The following RUNX2 variants were observed in gnomAD, a reference collection of about 807,000 sequenced individuals.
RUNX2 encodes RUNX family transcription factor 2.
In RUNX2, 10 loss-of-function variants were observed where a neutral mutation model predicts 51.7. The observed-to-expected ratio is 0.19, with a 90% confidence interval of 0.12 to 0.33. The LOEUF (loss-of-function observed/expected upper bound fraction) is 0.33, where lower values mean the gene tolerates loss of function less well. Ranked by LOEUF, RUNX2 falls within the 10% of genes least tolerant of loss-of-function variation. The pLI is 1.00. For missense variants in RUNX2, 562 were observed against 691.3 expected (o/e 0.81, Z 2.10); for synonymous variants, 276 against 273.6 (o/e 1.01, Z -0.09).
At chr6:45,380,062 T>A (rs1240573672) in intron 2 of RUNX2, among the ~76,000 whole-genome samples, 1 of 152,232 alleles carries the variant, frequency 6.6e-6, no homozygotes, top group Non-Finnish European at 1.5e-5. Flanking sequence ...TTAAAATCCA[T>A]TTTTGAAAAT....
In RUNX2 at chr6:45,422,780, G is replaced by C; in HGVS notation, c.246G>C (p.Ala82=). The C allele has an allele frequency of 7.2e-7, 1 of 1,398,528 alleles. No homozygotes were observed. The allele number at this position is 1,398,528 out of a possible 1,614,324, so 86.6% of individuals were successfully genotyped here. The change falls in exon 3 of 9, where the codon GCG becomes GCC. Residue 82 remains alanine (A), a synonymous_variant. Transcript: ENST00000647337. ...CGGCGGCGGCTGCGGCGGCGGCGGC[G>C]GCTGCGGCGGCGGCAGCTGCAGTGC... The part of the protein sequence containing the change: ...EAAAAAAAAA[A]AAAAAAAVPR...
chr6:45,342,190 T>C (rs574159872), intron 2 of RUNX2, among the ~76,000 whole-genome samples: 1 of 152,152 alleles, frequency 6.6e-6, no homozygotes, highest in Admixed American at 6.5e-5. Flanking sequence ...TTATTATAAA[T>C]AGAATGAGTT....
intron 5 of RUNX2, among the ~76,000 whole-genome samples, chr6:45,480,684 G>T (rs954820130): frequency 3.9e-5 from 6 of 152,184 alleles, no homozygotes; most frequent in African/African-American, 1.4e-4. Flanking sequence ...TCTTAGACTA[G>T]ATTAAAACTA....
chr6:45,434,817 T>C lies in RUNX2; in HGVS notation c.580+2798T>C, dbSNP rs1454576662. 2.6e-5 allele frequency among the ~76,000 whole-genome samples: 4 copies of C among 152,306 alleles called. No homozygotes were observed. The East Asian group carries it at 7.7e-4, about 29-fold the overall frequency. On this transcript the variant is annotated intron_variant, in intron 4 of 8. Transcript: ENST00000647337. ...GCCTACATTTTAAAATAACAGGCTG[T>C]ATTTTATCACTTATGGAAAGTGATA...
At chr6:45,335,989 G>T (rs958198183) in intron 2 of RUNX2, among the ~76,000 whole-genome samples, 63 of 151,190 alleles carry the variant, frequency 4.2e-4, no homozygotes, top group African/African-American at 1.5e-3. Context: ...GTGCTACAGT[G>T]TATTTCTAAA....
chr6:45,413,589 C>A (rs567819571), intron 2 of RUNX2, among the ~76,000 whole-genome samples: 1 of 151,782 alleles, frequency 6.6e-6, no homozygotes, highest in Non-Finnish European at 1.5e-5. Flanking sequence ...CGCTACCACA[C>A]CTGGCTAATT....
intron 2 of RUNX2, among the ~76,000 whole-genome samples, chr6:45,350,820 T>G (rs1293078943): frequency 3.3e-5 from 5 of 152,136 alleles, no homozygotes; most frequent in African/African-American, 9.7e-5. Flanking sequence ...GAATGAAGTC[T>G]TTACATTTTC....
At chr6:45,520,342 A>C (rs1177354676) in intron 7 of RUNX2, among the ~76,000 whole-genome samples, 1 of 152,208 alleles carries the variant, frequency 6.6e-6, no homozygotes, top group African/African-American at 2.4e-5. Flanking sequence ...TTTAAATTAA[A>C]TATTTTTTTC....
intron 2 of RUNX2, among the ~76,000 whole-genome samples, chr6:45,367,090 A>G (rs1186515269): frequency 6.6e-6 from 1 of 152,122 alleles, no homozygotes; most frequent in East Asian, 1.9e-4. Context: ...TCACTGATGG[A>G]GATAGGCTTT....
rs150746580 is a variant in RUNX2, at chr6:45,350,512, T to C, written c.58+21728T>C. Among the ~76,000 whole-genome samples, 231 of 152,302 alleles carry C rather than the reference T, an allele frequency of 1.5e-3. 2 individuals are homozygous for C. Among genetic ancestry groups the C allele is most frequent in the African/African-American group, 5.2e-3 (215 of 41,568 alleles). The stretch of plus-strand genomic sequence containing the variant: ...GGTTTACATTTTGGCTCAAGCTGCT[T>C]TCTCACAGAAGACCAATAATAGTCA... On this transcript the variant is annotated intron_variant, in intron 2 of 8. Coordinates refer to ENST00000647337, the MANE Select transcript of RUNX2 (RefSeq NM_001024630.4).
chr6:45,427,325 C>G (rs1367600262), intron 3 of RUNX2, among the ~76,000 whole-genome samples: 2 of 151,988 alleles, frequency 1.3e-5, no homozygotes, highest in Admixed American at 1.3e-4. Context: ...TGATCTAAAC[C>G]ACCATGATAC....
intron 2 of RUNX2, chr6:45,371,836 T>C (rs1796117168): frequency 1.0e-6 from 1 of 984,452 alleles, no homozygotes; most frequent in South Asian, 4.7e-5. Context: ...TGAGCAGACT[T>C]CAGAACTACA....
chr6:45,522,827 G>T (rs1801548974), intron 7 of RUNX2, among the ~76,000 whole-genome samples: 1 of 152,192 alleles, frequency 6.6e-6, no homozygotes, highest in African/African-American at 2.4e-5. Context: ...TTCTTATGCT[G>T]TGACTATTAT....
At chr6:45,423,692 G>C (rs892971445) in intron 3 of RUNX2, among the ~76,000 whole-genome samples, 1 of 152,238 alleles carries the variant, frequency 6.6e-6, no homozygotes, top group African/African-American at 2.4e-5. Flanking sequence ...CAGAGGAGGG[G>C]GTGTCAGGGC....
At chr6:45,328,594 T>C (rs1786820310) in intron 1 of RUNX2, 67 bp from the exon 2 acceptor site, 16 of 1,590,938 alleles carry the variant, frequency 1.0e-5, no homozygotes, top group Non-Finnish European at 1.4e-5. Context: ...AAAATAAATA[T>C]AAAGTCTATG....
At chr6:45,503,055 G>C (rs12205007) in intron 6 of RUNX2, among the ~76,000 whole-genome samples, 2 of 152,144 alleles carry the variant, frequency 1.3e-5, no homozygotes. Flanking sequence ...TCATCTTCTA[G>C]ACTTATGCTT....
intron 7 of RUNX2, among the ~76,000 whole-genome samples, chr6:45,526,644 A>C (rs1801682434): frequency 6.6e-6 from 1 of 152,246 alleles, no homozygotes; most frequent in South Asian, 2.1e-4. Context: ...TTACTCATTT[A>C]TTGAGCACCG....
chr6:45,430,303 G>A (rs776320283), intron 3 of RUNX2, among the ~76,000 whole-genome samples: 20 of 152,022 alleles, frequency 1.3e-4, no homozygotes, highest in East Asian at 1.9e-4. Flanking sequence ...ACATATGTAC[G>A]TTGAAATGAG....
intron 2 of RUNX2, among the ~76,000 whole-genome samples, chr6:45,344,918 A>G (rs1790541764): frequency 6.6e-6 from 1 of 152,156 alleles, no homozygotes; most frequent in Non-Finnish European, 1.5e-5. Context: ...TACAAGCAGG[A>G]TAGTTTAGTA....
Sources: allele counts gnomAD v4.1 joint callset (sites outside exome capture counted in the v4.1 genomes callset), GRCh38; gene constraint gnomAD v4.1.1; transcripts MANE v1.5; gene names NCBI Gene and HGNC (gene_info 2026-07-23, HGNC 2026-07-21).